Variants in ERBB4 observed in about 807,000 individuals in gnomAD.
ERBB4 encodes erb-b2 receptor tyrosine kinase 4, also known as receptor tyrosine-protein kinase erbB-4.
Under a neutral mutation model 158.0 loss-of-function variants are expected in ERBB4, and 42 were observed. The observed-to-expected ratio is 0.27, with a 90% CI of 0.21 to 0.34. The LOEUF is 0.34. ERBB4 is among the 10% of genes least tolerant of loss of function. The probability of loss-of-function intolerance (pLI) is 1.00; values close to 1 mark genes in which losing one functional copy is unlikely to be tolerated. For synonymous variants in ERBB4, 583 were observed against 558.7 expected, an observed-to-expected ratio of 1.04 and a Z score of -0.61; for missense variants, 1,333 against 1,624.1, an observed-to-expected ratio of 0.82 and a Z score of 3.08.
At chr2:212,350,893 T>C (rs1052660482) in intron 1 of ERBB4, among the ~76,000 whole-genome samples, 1 of 152,066 alleles carries the variant, frequency 6.6e-6, no homozygotes, top group African/African-American at 2.4e-5. Flanking sequence ...TGAGTAAAAA[T>C]ATGATCCCAC....
At chr2:211,608,237 T>C (rs574226393) in intron 19 of ERBB4, among the ~76,000 whole-genome samples, 3 of 152,252 alleles carry the variant, frequency 2.0e-5, no homozygotes, top group Admixed American at 2.0e-4. Context: ...TTGATTTCCA[T>C]CGATGCAGCG....
intron 1 of ERBB4, among the ~76,000 whole-genome samples, chr2:212,215,902 A>G (rs2083083879): frequency 6.6e-6 from 1 of 151,464 alleles, no homozygotes; most frequent in African/African-American, 2.4e-5. Context: ...GATGCAATAG[A>G]TCACAAAAAC....
At chr2:212,320,827 A>G (rs1463311956) in intron 1 of ERBB4, among the ~76,000 whole-genome samples, 1 of 150,424 alleles carries the variant, frequency 6.6e-6, no homozygotes, top group East Asian at 1.9e-4. Context: ...ATCAAATGAA[A>G]CAATTACAGT....
At chr2:211,701,023 C>T (rs73082635) in intron 12 of ERBB4, among the ~76,000 whole-genome samples, 1,888 of 152,156 alleles carry the variant, frequency 0.012, 36 homozygotes, top group African/African-American at 0.043. Flanking sequence ...CATAAATCAA[C>T]GGAGTATCAG....
intron 25 of ERBB4, among the ~76,000 whole-genome samples, chr2:211,413,309 A>ACACACACAC (rs2063305291): frequency 3.2e-5 from 3 of 94,558 alleles, no homozygotes; most frequent in African/African-American, 1.2e-4. Flanking sequence ...CTGTCTTAAA[A>ACACACACAC]ACACACACAC....
Position 212,250,964 on chromosome 2 carries a change from T to C in ERBB4, c.83-126061A>G, listed in dbSNP as rs1380124093. On this transcript the variant is annotated intron_variant, in intron 1 of 27. Coordinates refer to ENST00000342788, the MANE Select transcript of ERBB4 (RefSeq NM_005235.3). ...TGAATTTCTGATATTGACTGAGAGA[T>C]TTTGCAACAAGGGGAAGTTTTAAAA... is the stretch of plus-strand genomic sequence containing the variant. Among the ~76,000 whole-genome samples, 5 of 151,970 alleles carry C rather than the reference T, an allele frequency of 3.3e-5. No individual in the cohort carries two copies. The East Asian group carries it at 9.6e-4, about 29-fold the overall frequency.
chr2:212,394,321 A>G (rs1472107529), intron 1 of ERBB4, among the ~76,000 whole-genome samples: 1 of 152,110 alleles, frequency 6.6e-6, no homozygotes, highest in East Asian at 1.9e-4. Flanking sequence ...CAAAAATATT[A>G]AATTTACAAT....
chr2:211,549,109 T>C (rs2125697908), intron 20 of ERBB4, among the ~76,000 whole-genome samples: 1 of 152,240 alleles, frequency 6.6e-6, no homozygotes, highest in East Asian at 1.9e-4. Flanking sequence ...GTTTTGTGCT[T>C]GCTACTTCTG....
chr2:212,139,477 T>G (rs562472483), intron 1 of ERBB4, among the ~76,000 whole-genome samples: 5 of 152,150 alleles, frequency 3.3e-5, no homozygotes, highest in Admixed American at 3.3e-4. Flanking sequence ...TAAAAATATC[T>G]CATATCACAC....
chr2:212,223,991 C>A (rs1289424563), intron 1 of ERBB4, among the ~76,000 whole-genome samples: 1 of 151,780 alleles, frequency 6.6e-6, no homozygotes, highest in African/African-American at 2.4e-5. Context: ...TGCAAAATTT[C>A]TGCATTTATC....
chr2:211,946,316 A>G (rs1418935033), intron 3 of ERBB4, among the ~76,000 whole-genome samples: 1 of 152,056 alleles, frequency 6.6e-6, no homozygotes, highest in Non-Finnish European at 1.5e-5. Context: ...GAAATTTAAT[A>G]TCCACTTCAA....
intron 4 of ERBB4, among the ~76,000 whole-genome samples, chr2:211,754,397 G>T (rs1386101358): frequency 7.1e-6 from 1 of 140,614 alleles, no homozygotes; most frequent in Non-Finnish European, 1.5e-5. Context: ...ATTGATTATT[G>T]CAATAATCCC....
intron 1 of ERBB4, among the ~76,000 whole-genome samples, chr2:212,456,406 G>C (rs548836941): frequency 6.6e-6 from 1 of 151,930 alleles, no homozygotes; most frequent in Non-Finnish European, 1.5e-5. Flanking sequence ...GGGATAAATA[G>C]AGTACAAGAT....
At chr2:211,975,194 A>C (rs1372142094) in intron 2 of ERBB4, among the ~76,000 whole-genome samples, 1 of 152,148 alleles carries the variant, frequency 6.6e-6, no homozygotes, top group African/African-American at 2.4e-5. Context: ...GTTGCTCAAG[A>C]CAATCTTGAA....
chr2:211,772,862 T>TAC (rs2075740316), intron 4 of ERBB4, among the ~76,000 whole-genome samples: 1 of 69,566 alleles, frequency 1.4e-5, no homozygotes, highest in Non-Finnish European at 2.6e-5. Flanking sequence ...TATATATATA[T>TAC]ATATATACAC....
At chr2:212,081,321 CT>C (rs1553551891) in intron 2 of ERBB4, among the ~76,000 whole-genome samples, 1 of 152,036 alleles carries the variant, frequency 6.6e-6, no homozygotes, top group Non-Finnish European at 1.5e-5. Context: ...CTAGAATGTT[CT>C]AGAATCTTCT....
At chr2:211,975,869 T>A (rs1038777403) in intron 2 of ERBB4, among the ~76,000 whole-genome samples, 2 of 152,140 alleles carry the variant, frequency 1.3e-5, no homozygotes, top group Non-Finnish European at 2.9e-5. Context: ...AACCAAAACA[T>A]TCCCTCAAGA....
At chr2:211,485,172 A>G (rs1430824991) in intron 20 of ERBB4, among the ~76,000 whole-genome samples, 1 of 152,138 alleles carries the variant, frequency 6.6e-6, no homozygotes, top group Non-Finnish European at 1.5e-5. Context: ...TCTGATAGCT[A>G]CTTTCATTTA....
At chr2:211,416,506 G>A (rs2063396287) in intron 25 of ERBB4, among the ~76,000 whole-genome samples, 1 of 152,122 alleles carries the variant, frequency 6.6e-6, no homozygotes, top group Admixed American at 6.6e-5. Flanking sequence ...AACAAATTGG[G>A]AAGCAAACCT....
Sources: allele counts gnomAD v4.1 joint callset (sites outside exome capture counted in the v4.1 genomes callset), GRCh38; gene constraint gnomAD v4.1.1; transcripts MANE v1.5; gene names NCBI Gene and HGNC (gene_info 2026-07-23, HGNC 2026-07-21).